The following LONP2 variants were observed in gnomAD, a reference collection of about 807,000 sequenced individuals.
The protein encoded by LONP2 is lon peptidase 2, peroxisomal, also known as lon protease homolog 2, peroxisomal.
LONP2 carries 60 observed loss-of-function variants against 85.6 expected under a neutral mutation model. The observed-to-expected ratio is 0.70, with a 90% CI of 0.57 to 0.87. The LOEUF (loss-of-function observed/expected upper bound fraction) is 0.87, where lower values mean the gene tolerates loss of function less well. Ranked by LOEUF, LONP2 falls within the 40% of genes least tolerant of loss-of-function variation. The probability of loss-of-function intolerance (pLI) is 0.00; values close to 1 mark genes in which losing one functional copy is unlikely to be tolerated. For synonymous variants in LONP2, 395 were observed against 389.7 expected (o/e 1.01, Z -0.16); for missense variants, 860 against 1,063.5 (o/e 0.81, Z 2.66).
At chr16:48,347,965 A>C in intron 13 of LONP2, 135 bp from the exon 14 acceptor site, 1 of 842,802 alleles carries the variant, frequency 1.2e-6, no homozygotes, top group Non-Finnish European at 1.8e-6. Flanking sequence ...ACCCTCACCC[A>C]AATTGTACTG....
intron 11 of LONP2, among the ~76,000 whole-genome samples, chr16:48,327,078 C>T (rs1433378432): frequency 6.6e-6 from 1 of 152,228 alleles, no homozygotes; most frequent in African/African-American, 2.4e-5. Flanking sequence ...ACTTGGCTCA[C>T]AGCCATCACC....
chr16:48,333,326 G>A, intron 11 of LONP2, among the ~76,000 whole-genome samples: 1 of 152,152 alleles, frequency 6.6e-6, no homozygotes, highest in Admixed American at 6.5e-5. Flanking sequence ...CTTATAGGCA[G>A]GTAAAGGAGA....
At chr16:48,357,394 T>C (rs993185454), downstream of LONP2, 1 of 152,214 alleles carries the variant, frequency 6.6e-6, no homozygotes, top group African/African-American at 2.4e-5. Context: ...AAATACTCCT[T>C]TGTGCTTTGA....
chr16:48,338,479 G>C (rs1959717526), intron 12 of LONP2, among the ~76,000 whole-genome samples: 2 of 152,198 alleles, frequency 1.3e-5, no homozygotes, highest in South Asian at 4.1e-4. Context: ...GTTATCAAAA[G>C]GGACTTACAG....
intron 11 of LONP2, among the ~76,000 whole-genome samples, chr16:48,313,317 G>GT (rs1384759914): frequency 6.6e-5 from 10 of 152,014 alleles, no homozygotes; most frequent in Non-Finnish European, 2.9e-5. Context: ...TCTTACATAA[G>GT]TTTTTTTTCT....
intron 3 of LONP2, among the ~76,000 whole-genome samples, chr16:48,257,013 G>T (rs564734616): frequency 6.6e-6 from 1 of 152,232 alleles, no homozygotes; most frequent in African/African-American, 2.4e-5. Context: ...TTAAAGCAAA[G>T]AATCATAAAA....
At chr16:48,329,223 A>C (rs1959358747) in intron 11 of LONP2, among the ~76,000 whole-genome samples, 2 of 152,192 alleles carry the variant, frequency 1.3e-5, no homozygotes, top group Non-Finnish European at 2.9e-5. Context: ...TCGTCCAAAA[A>C]TATTAACTGG....
At chr16:48,300,104 G>A (rs1972771758) in intron 10 of LONP2, among the ~76,000 whole-genome samples, 1 of 152,166 alleles carries the variant, frequency 6.6e-6, no homozygotes. Flanking sequence ...AATATAAGGG[G>A]TTAATTTGAT....
chr16:48,271,579 G>A (rs148580615), intron 7 of LONP2, among the ~76,000 whole-genome samples: 67 of 151,972 alleles, frequency 4.4e-4, no homozygotes, highest in African/African-American at 1.5e-3. Context: ...AAATTCTTAC[G>A]CATTTAAAAA....
intron 12 of LONP2, among the ~76,000 whole-genome samples, chr16:48,346,311 G>C (rs1221590637): frequency 6.6e-6 from 1 of 152,116 alleles, no homozygotes; most frequent in African/African-American, 2.4e-5. Flanking sequence ...ACTTCTATTG[G>C]ATAGGAAATT....
At chr16:48,348,514 TAGAC>T (rs1348385580) in intron 14 of LONP2, among the ~76,000 whole-genome samples, 39 of 126,634 alleles carry the variant, frequency 3.1e-4, no homozygotes, top group South Asian at 5.0e-4. Flanking sequence ...TTTTTTGAAA[TAGAC>T]AGGTCTCACT....
At chr16:48,291,244 A>G (rs1447265054) in intron 8 of LONP2, among the ~76,000 whole-genome samples, 6 of 152,080 alleles carry the variant, frequency 3.9e-5, no homozygotes, top group Non-Finnish European at 5.9e-5. Flanking sequence ...ATTCTCCCCT[A>G]CCCAACCTCT....
At chr16:48,274,384 A>G (rs1343589086) in intron 7 of LONP2, among the ~76,000 whole-genome samples, 1 of 152,054 alleles carries the variant, frequency 6.6e-6, no homozygotes, top group African/African-American at 2.4e-5. Context: ...CATGGTGCTA[A>G]ATGTGGTGAG....
chr16:48,348,252 A>C lies in LONP2; in HGVS notation c.2299A>C (p.Met767Leu), dbSNP rs781167151. The C allele has an allele frequency of 2.0e-5, 31 of 1,568,054 alleles. No individual in the cohort carries two copies. The Middle Eastern group carries it at 5.1e-4, about 26-fold the overall frequency. The stretch of plus-strand genomic sequence containing the variant: ...GCGGCTGGTACGTTCAGATGTAGCC[A>C]TGACTGGAGAAATTACACTGAGAGG... ...SGRLVRSDVA[M>L]TGEITLRGLV... The change falls in exon 14 of 15, where the codon ATG (methionine) becomes CTG (leucine). Residue 767 changes from methionine to leucine, a missense_variant. Physicochemically the swap from Met to Leu is conservative, Grantham distance 15. Transcript: ENST00000285737.
At chr16:48,345,332 T>C (rs1211938684) in intron 12 of LONP2, 1 of 152,268 alleles carries the variant, frequency 6.6e-6, no homozygotes, top group East Asian at 1.9e-4. Flanking sequence ...AAGGGATTAT[T>C]CTTGGTAGAG....
chr16:48,260,180 T>C (rs1210722931), intron 4 of LONP2, among the ~76,000 whole-genome samples: 1 of 152,230 alleles, frequency 6.6e-6, no homozygotes, highest in Non-Finnish European at 1.5e-5. Flanking sequence ...TGATGACTTA[T>C]GTAAGAATAA....
intron 12 of LONP2, among the ~76,000 whole-genome samples, chr16:48,341,877 C>A (rs538252196): frequency 6.6e-6 from 1 of 152,334 alleles, no homozygotes; most frequent in South Asian, 2.1e-4. Context: ...AGACTCAGAA[C>A]TGCCCCGAAT....
At position 48,261,557 on chromosome 16, in the gene LONP2, C is replaced by A; in HGVS notation, c.857C>A (p.Ala286Asp). ...CGAACATCTAGTATGCCAGAGCAGG[C>A]CCATAAAGTCTGTGTCAAAGAGATA... is the stretch of plus-strand genomic sequence containing the variant. ...KIRTSSMPEQ[A>D]HKVCVKEIKR... Residue 286 changes from alanine (A) to aspartate (D), a missense_variant, in exon 5 of 15, where the codon GCC (alanine) becomes GAC (aspartate). Ala to Asp is a moderately radical substitution (Grantham distance 126). Around this residue, in one of 3 missense-constraint regions of LONP2, gnomAD observed 743 missense variants for 917.3 expected, o/e 0.81. Coordinates refer to ENST00000285737, the MANE Select transcript of LONP2 (RefSeq NM_031490.5). 1 of 1,593,310 alleles carries A rather than the reference C, an allele frequency of 6.3e-7. No homozygotes were observed. Among genetic ancestry groups the A allele is most frequent in the South Asian group, 1.1e-5 (1 of 88,396 alleles).
At chr16:48,311,280 T>C (rs8063594) in intron 11 of LONP2, among the ~76,000 whole-genome samples, 2,596 of 152,234 alleles carry the variant, frequency 0.017, 89 homozygotes, top group African/African-American at 0.06. Context: ...CCTCTAGGAA[T>C]ACCTATGATT....
Sources: gnomAD v4.1 joint callset for allele counts (sites outside exome capture counted in the v4.1 genomes callset) on GRCh38, gnomAD v4.1.1 for gene constraint, gnomAD v4.1.1 regional missense constraint, MANE v1.5 for transcripts, NCBI Gene and HGNC (gene_info 2026-07-23, HGNC 2026-07-21) for gene names.